PELI2: variants seen among roughly 807,000 people sequenced by gnomAD.
PELI2 encodes E3 ubiquitin-protein ligase pellino homolog 2.
A neutral mutation model predicts 42.3 loss-of-function variants in PELI2; 23 were observed. That is an observed-to-expected ratio of 0.54 (90% CI 0.39 to 0.77). The LOEUF (loss-of-function observed/expected upper bound fraction) is 0.77. Ranked by LOEUF, PELI2 falls within the 30% of genes least tolerant of loss-of-function variation. PELI2 has a pLI of 0.00. For synonymous variants in PELI2, 245 were observed against 212.2 expected, an observed-to-expected ratio of 1.15 and a Z score of -1.34; for missense variants, 463 against 553.2, an observed-to-expected ratio of 0.84 and a Z score of 1.64.
chr14:56,260,720 G>A (rs1047239645), intron 2 of PELI2, among the ~76,000 whole-genome samples: 3 of 152,148 alleles, frequency 2.0e-5, no homozygotes, highest in Non-Finnish European at 2.9e-5. Flanking sequence ...TAAATAGTAC[G>A]ATGGATTCCT....
At chr14:56,163,575 T>A (rs540337567) in intron 1 of PELI2, among the ~76,000 whole-genome samples, 3 of 152,272 alleles carry the variant, frequency 2.0e-5, no homozygotes, top group Admixed American at 2.0e-4. Flanking sequence ...TTGCTCTGTA[T>A]ACTTTTTAGG....
chr14:56,142,706 T>A (rs931838009), intron 1 of PELI2, among the ~76,000 whole-genome samples: 1 of 152,132 alleles, frequency 6.6e-6, no homozygotes, highest in African/African-American at 2.4e-5. Context: ...CACTAAAGAT[T>A]GCTATTTATA....
At chr14:56,218,698 T>TGTGC (rs1263284508) in intron 2 of PELI2, among the ~76,000 whole-genome samples, 1 of 151,838 alleles carries the variant, frequency 6.6e-6, no homozygotes, top group African/African-American at 2.4e-5. Flanking sequence ...CACGCACATG[T>TGTGC]GTGCGTGTGT....
intron 2 of PELI2, among the ~76,000 whole-genome samples, chr14:56,201,288 A>T (rs757730789): frequency 1.3e-5 from 2 of 152,168 alleles, no homozygotes; most frequent in Non-Finnish European, 2.9e-5. Flanking sequence ...GAAATGCAAA[A>T]GATATAGATA....
At chr14:56,130,692 C>T (rs969768376) in intron 1 of PELI2, among the ~76,000 whole-genome samples, 1 of 151,804 alleles carries the variant, frequency 6.6e-6, no homozygotes, top group Non-Finnish European at 1.5e-5. Context: ...CTTATATCTT[C>T]CCTATTTACC....
rs868859976 is a variant in PELI2 at position 56,224,091 on chromosome 14, G to A, written c.207+45627G>A. 2.6e-5 allele frequency among the ~76,000 whole-genome samples: 4 copies of A among 152,168 alleles called. No homozygotes were observed. The East Asian group carries it at 7.7e-4, about 29-fold the overall frequency. On this transcript the variant is annotated intron_variant, in intron 2 of 5. Transcript: ENST00000267460. ...TTAAAAGGAGAAAAGAAAGGAGACC[G>A]ATGAATGTGTATATATACTTTTAAA...
intron 2 of PELI2, among the ~76,000 whole-genome samples, chr14:56,211,840 C>G (rs1262690916): frequency 1.3e-5 from 2 of 151,770 alleles, no homozygotes; most frequent in Non-Finnish European, 2.9e-5. Context: ...GGCAATCCAT[C>G]TCTTCTTTTT....
At position 56,194,481 on chromosome 14, in the gene PELI2, ATGGACATTTGCAG is replaced by A. The variant is rs568729931; in HGVS notation, c.207+16028_207+16040del. On this transcript the variant is annotated intron_variant, in intron 2 of 5. Transcript: ENST00000267460. The stretch of plus-strand genomic sequence containing the variant: ...TTCTTCACCAGTCGCCATCCCTAGC[ATGGACATTTGCAG>A]TGGACATTTGTGAATGGACTGATGG... 2.6e-5 allele frequency among the ~76,000 whole-genome samples: 4 copies of A among 152,310 alleles called. No homozygotes were observed. The South Asian group carries it at 8.3e-4, about 32-fold the overall frequency.
In PELI2 at chr14:56,290,462, T is replaced by C; in HGVS notation, c.696+6T>C. On this transcript the variant is annotated splice_donor_region_variant and intron_variant, in intron 5 of 5. Transcript: ENST00000267460. ...CCCAGCAACGAGGAAAGCTGGTGAG[T>C]GTGCTTCACTCTGCAAGTGTGAAGT... is the stretch of plus-strand genomic sequence containing the variant. 1 of 1,577,164 alleles carries C rather than the reference T, an allele frequency of 6.3e-7. No individual in the cohort carries two copies. The highest frequency in any genetic ancestry group is 1.1e-5 in the South Asian group (1 of 87,020).
At chr14:56,194,507 A>G (rs1329065387) in intron 2 of PELI2, among the ~76,000 whole-genome samples, 1 of 152,182 alleles carries the variant, frequency 6.6e-6, no homozygotes, top group African/African-American at 2.4e-5. Flanking sequence ...GACATTTGTG[A>G]ATGGACTGAT....
chr14:56,261,591 A>T (rs770412251), intron 2 of PELI2, among the ~76,000 whole-genome samples: 1 of 152,222 alleles, frequency 6.6e-6, no homozygotes, highest in African/African-American at 2.4e-5. Flanking sequence ...AGAAAAGAGT[A>T]TGCAGTGCAG....
intron 2 of PELI2, among the ~76,000 whole-genome samples, chr14:56,181,611 C>G (rs1885582379): frequency 6.6e-6 from 1 of 152,078 alleles, no homozygotes; most frequent in African/African-American, 2.4e-5. Flanking sequence ...CCACAACAAT[C>G]ATTCTCTCTG....
intron 2 of PELI2, among the ~76,000 whole-genome samples, chr14:56,258,629 A>T (rs1220185868): frequency 1.3e-5 from 2 of 152,118 alleles, no homozygotes; most frequent in Non-Finnish European, 2.9e-5. Flanking sequence ...AAACTGAAGA[A>T]GAAAAGATCA....
chr14:56,232,885 TAAG>T (rs1887639718), intron 2 of PELI2, among the ~76,000 whole-genome samples: 1 of 152,056 alleles, frequency 6.6e-6, no homozygotes, highest in African/African-American at 2.4e-5. Flanking sequence ...AAAATCTCCT[TAAG>T]CTGAAAGCAA....
At chr14:56,229,370 C>T (rs574866009) in intron 2 of PELI2, among the ~76,000 whole-genome samples, 3 of 152,342 alleles carry the variant, frequency 2.0e-5, no homozygotes, top group South Asian at 4.1e-4. Flanking sequence ...CCTCATACAG[C>T]AGGGTGCCCC....
intron 1 of PELI2, among the ~76,000 whole-genome samples, chr14:56,145,619 G>A (rs184863198): frequency 9.9e-5 from 15 of 152,234 alleles, no homozygotes; most frequent in East Asian, 3.9e-4. Context: ...TAGATTAGCC[G>A]AGGGCATTAT....
intron 1 of PELI2, among the ~76,000 whole-genome samples, chr14:56,120,107 G>A (rs1229561526): frequency 3.9e-5 from 6 of 152,190 alleles, no homozygotes; most frequent in Non-Finnish European, 8.8e-5. Context: ...GAAGCTGTTT[G>A]CAGATAAGTG....
At chr14:56,265,909 A>G (rs1016726476) in intron 2 of PELI2, among the ~76,000 whole-genome samples, 2 of 152,034 alleles carry the variant, frequency 1.3e-5, no homozygotes, top group Non-Finnish European at 1.5e-5. Flanking sequence ...CTACACACTC[A>G]TATGTATGGC....
intron 3 of PELI2, among the ~76,000 whole-genome samples, chr14:56,280,694 G>A (rs1443090453): frequency 6.6e-6 from 1 of 152,016 alleles, no homozygotes; most frequent in Non-Finnish European, 1.5e-5. Flanking sequence ...AAAAAACTTA[G>A]GAGAATTCAT....
Sources: gnomAD v4.1 joint callset for allele counts (sites outside exome capture counted in the v4.1 genomes callset) on GRCh38, gnomAD v4.1.1 for gene constraint, MANE v1.5 for transcripts, NCBI Gene and HGNC (gene_info 2026-07-23, HGNC 2026-07-21) for gene names.